MARCHF7: variants seen among roughly 807,000 people sequenced by gnomAD.
MARCHF7 encodes membrane associated ring-CH-type finger 7, also known as E3 ubiquitin-protein ligase MARCHF7.
A neutral mutation model predicts 76.5 loss-of-function variants in MARCHF7; 20 were observed. That is an observed-to-expected ratio of 0.26 (90% CI 0.18 to 0.38). The LOEUF is 0.38. Among genes scored for constraint, MARCHF7 ranks in the 10% least tolerant of loss-of-function variants. The pLI, the probability that MARCHF7 is intolerant of heterozygous loss-of-function variation, is 1.00. For missense variants in MARCHF7, 797 were observed against 812.9 expected (o/e 0.98, Z 0.24); for synonymous variants, 295 against 293.0 (o/e 1.01, Z -0.07).
At chr2:159,725,059 C>T (rs920150503) in intron 3 of MARCHF7, among the ~76,000 whole-genome samples, 9 of 152,292 alleles carry the variant, frequency 5.9e-5, no homozygotes, top group South Asian at 4.1e-4. Flanking sequence ...ATATGTGCCA[C>T]GTTTGCTTTA....
chr2:159,729,851 AG>A (rs1702578198), intron 4 of MARCHF7, among the ~76,000 whole-genome samples: 1 of 152,220 alleles, frequency 6.6e-6, no homozygotes, highest in Admixed American at 6.5e-5. Flanking sequence ...TACACAAAGC[AG>A]TGGTGAAATA....
intron 4 of MARCHF7, among the ~76,000 whole-genome samples, chr2:159,730,226 TATC>T (rs1702622887): frequency 6.6e-6 from 1 of 152,222 alleles, no homozygotes; most frequent in African/African-American, 2.4e-5. Context: ...TGAAATGGCT[TATC>T]ATTGTAGCAA....
chr2:159,729,273 G>A, intron 4 of MARCHF7, 98 bp downstream of exon 4: 1 of 860,300 alleles, frequency 1.2e-6, no homozygotes, highest in Admixed American at 3.6e-5. Flanking sequence ...CTGGATCTGA[G>A]GCATCCTGTA....
chr2:159,760,123 C>T (rs1706853415), intron 9 of MARCHF7, among the ~76,000 whole-genome samples: 1 of 152,208 alleles, frequency 6.6e-6, no homozygotes, highest in Non-Finnish European at 1.5e-5. Context: ...ATTCTGTGCT[C>T]TCAGCCCCTG....
chr2:159,750,094 C>A (rs533034438), intron 7 of MARCHF7, among the ~76,000 whole-genome samples: 20 of 152,298 alleles, frequency 1.3e-4, no homozygotes, highest in Non-Finnish European at 2.5e-4. Context: ...TTTGTAGAGA[C>A]AGGGTCTCGC....
intron 3 of MARCHF7, among the ~76,000 whole-genome samples, chr2:159,717,372 A>G (rs1192616178): frequency 6.6e-6 from 1 of 152,206 alleles, no homozygotes; most frequent in Non-Finnish European, 1.5e-5. Flanking sequence ...CAAAGATGTC[A>G]TGCTTGGGAT....
intron 5 of MARCHF7, among the ~76,000 whole-genome samples, chr2:159,745,049 T>C (rs115618153): frequency 8.5e-5 from 13 of 152,242 alleles, no homozygotes; most frequent in Non-Finnish European, 1.6e-4. Flanking sequence ...ACATCTTCCC[T>C]TTCCGGATGC....
chr2:159,769,647 T>TAC lies in MARCHF7; in HGVS notation c.*2306_*2307insCA, dbSNP rs1043824137. ...GGCAGCACAGTGAGACTCCATCATA[T>TAC]ATATATATATAGCACTTCATTACCA... On this transcript the variant is annotated 3_prime_UTR_variant, in exon 12 of 12. Coordinates refer to ENST00000409175, the MANE Select transcript of MARCHF7 (RefSeq NM_001282805.2). 4 of 151,710 alleles carry TAC rather than the reference T, an allele frequency of 2.6e-5. No homozygotes were observed. Among genetic ancestry groups the TAC allele is most frequent in the African/African-American group, 9.7e-5 (4 of 41,238 alleles). 9.4% of individuals were successfully genotyped at this position (151,710 alleles called of 1,614,324 possible). A position where few individuals can be genotyped will look rare whatever the true frequency, so the allele number is the denominator to read the frequency against.
intron 10 of MARCHF7, among the ~76,000 whole-genome samples, chr2:159,764,255 T>TGTGTGTGTGTGCGCGCGC (rs10592175): frequency 4.8e-4 from 63 of 131,468 alleles, no homozygotes; most frequent in Admixed American, 2.1e-3. Flanking sequence ...TGTGTGTGTG[T>TGTGTGTGTGTGCGCGCGC]GCGCGCGCCC....
At chr2:159,734,141 AGG>A (rs1703164639) in intron 4 of MARCHF7, 1 of 1,165,894 alleles carries the variant, frequency 8.6e-7, no homozygotes, top group Non-Finnish European at 1.1e-6. Context: ...ATTGTTAAAA[AGG>A]GGTTATTTGT....
At chr2:159,728,284 A>T (rs7566584) in intron 3 of MARCHF7, among the ~76,000 whole-genome samples, 52,397 of 152,106 alleles carry the variant, frequency 0.34, 9,230 homozygotes, top group South Asian at 0.44. Flanking sequence ...TACTTAATAA[A>T]TATCAGCTAT....
At chr2:159,736,254 G>T (rs1423324040) in intron 4 of MARCHF7, among the ~76,000 whole-genome samples, 1 of 152,196 alleles carries the variant, frequency 6.6e-6, no homozygotes, top group African/African-American at 2.4e-5. Flanking sequence ...GAAGATTCCA[G>T]TCTCTCCACA....
intron 11 of MARCHF7, 80 bp downstream of exon 11, chr2:159,764,754 C>A: frequency 9.6e-7 from 1 of 1,040,732 alleles, no homozygotes; most frequent in Non-Finnish European, 1.4e-6. Context: ...AGTATATACT[C>A]TGTTCTGCCA....
chr2:159,740,440 T>C (rs1027806193), intron 4 of MARCHF7, among the ~76,000 whole-genome samples: 1 of 152,242 alleles, frequency 6.6e-6, no homozygotes, highest in Non-Finnish European at 1.5e-5. Context: ...TATTAGTTGC[T>C]ATTTTAGATG....
At chr2:159,746,016 C>G in intron 6 of MARCHF7, 79 bp downstream of exon 6, 1 of 1,129,452 alleles carries the variant, frequency 8.9e-7, no homozygotes, top group East Asian at 2.5e-5. Flanking sequence ...AACAACAGTA[C>G]AAAGGAGTAA....
intron 4 of MARCHF7, among the ~76,000 whole-genome samples, 163 bp downstream of exon 4, chr2:159,729,338 CT>C (rs1459960303): frequency 8.6e-5 from 13 of 152,046 alleles, no homozygotes; most frequent in Non-Finnish European, 1.8e-4. Context: ...ACTTTTTGGA[CT>C]TCAGAATTAT....
In MARCHF7 at chr2:159,763,674, A is replaced by G. The variant is rs1707374526; in HGVS notation, c.2007+681A>G. Reference sequence around the variant, plus strand: ...ACACTTCATGTCTTGAAATGTGTTCATAAGTATATCCTTCAAACTTTCTTA... The same window carrying G: ...ACACTTCATGTCTTGAAATGTGTTCGTAAGTATATCCTTCAAACTTTCTTA... On this transcript the variant is annotated intron_variant, in intron 10 of 11. Coordinates refer to ENST00000409175, the MANE Select transcript of MARCHF7 (RefSeq NM_001282805.2). 2.0e-5 allele frequency among the ~76,000 whole-genome samples: 3 copies of G among 152,216 alleles called. No homozygotes were observed. In the South Asian group the frequency reaches 6.2e-4, roughly 31 times the overall value.
chr2:159,727,615 T>A (rs1702324949), intron 3 of MARCHF7, among the ~76,000 whole-genome samples: 1 of 152,212 alleles, frequency 6.6e-6, no homozygotes, highest in South Asian at 2.1e-4. Context: ...TAAATTATAG[T>A]AGTAACGTGC....
At chr2:159,764,437 T>C (rs555964652) in intron 10 of MARCHF7, among the ~76,000 whole-genome samples, 189 bp from the exon 11 acceptor site, 1 of 152,242 alleles carries the variant, frequency 6.6e-6, no homozygotes, top group East Asian at 1.9e-4. Flanking sequence ...TTATAAAGAT[T>C]ATATAAAACA....
Sources: allele counts gnomAD v4.1 joint callset (sites outside exome capture counted in the v4.1 genomes callset), GRCh38; gene constraint gnomAD v4.1.1; transcripts MANE v1.5; gene names NCBI Gene and HGNC (gene_info 2026-07-23, HGNC 2026-07-21).